The following PC variants were observed in gnomAD, a reference collection of about 807,000 sequenced individuals.
PC encodes the protein pyruvate carboxylase, also known as pyruvate carboxylase, mitochondrial.
Under a neutral mutation model 107.8 loss-of-function variants are expected in PC, and 46 were observed. The observed-to-expected ratio is 0.43, with a 90% CI of 0.34 to 0.55. The LOEUF is 0.55. PC is among the 20% of genes least tolerant of loss of function. PC has a pLI of 0.04. For missense variants in PC, 1,241 were observed against 1,643.1 expected, an observed-to-expected ratio of 0.76 and a Z score of 4.23; for synonymous variants, 662 against 684.7, an observed-to-expected ratio of 0.97 and a Z score of 0.52.
chr11:66,897,778 G>A lies in PC; in HGVS notation c.1-25619C>T, dbSNP rs375457434. 9.9e-5 allele frequency among the ~76,000 whole-genome samples: 15 copies of A among 152,186 alleles called. 1 individual carries two copies. Among genetic ancestry groups the A allele is most frequent in the African/African-American group, 3.4e-4 (14 of 41,520 alleles). On this transcript the variant is annotated intron_variant, in intron 3 of 22. Coordinates refer to ENST00000393960, the MANE Select transcript of PC (RefSeq NM_001040716.2). ...TCATGTATCCAGCCTTGAGCTCTAC[G>A]GGGGCAGACATAACTAACTCATCTT...
intron 12 of PC, among the ~76,000 whole-genome samples, chr11:66,862,005 G>A (rs1274347673): frequency 2.0e-5 from 3 of 152,112 alleles, no homozygotes; most frequent in South Asian, 2.1e-4. Context: ...CAGAGGAACC[G>A]GGCACAACCC....
intron 3 of PC, among the ~76,000 whole-genome samples, chr11:66,923,768 C>T (rs1948648143): frequency 6.6e-6 from 1 of 151,686 alleles, no homozygotes; most frequent in Non-Finnish European, 1.5e-5. Context: ...GATCTGCCCA[C>T]CTTGGCCTCC....
chr11:66,875,465 G>A (rs754403050), intron 3 of PC, among the ~76,000 whole-genome samples: 4 of 152,146 alleles, frequency 2.6e-5, no homozygotes, highest in Admixed American at 6.5e-5. Context: ...CACAGGGGCG[G>A]TGGTGTCTGA....
chr11:66,946,857 T>C (rs1431818993), intron 3 of PC, among the ~76,000 whole-genome samples: 1 of 152,170 alleles, frequency 6.6e-6, no homozygotes, highest in Non-Finnish European at 1.5e-5. Context: ...TTACTAAGTT[T>C]AAAATCAGTA....
rs2135879295 is a variant in PC, at chr11:66,860,016, C to T, written c.1368+3758G>A. On this transcript the variant is annotated intron_variant, in intron 12 of 22. Coordinates refer to ENST00000393960, the MANE Select transcript of PC (RefSeq NM_001040716.2). ...CAAGGCCCACCCGCCGCGGAGCCCC[C>T]CGCCCCGGCCGCAGCGCAGCTGCTC... The T allele has an allele frequency of 6.3e-7, 1 of 1,587,698 alleles. No homozygotes were observed. Among genetic ancestry groups the T allele is most frequent in the Non-Finnish European group, 8.6e-7 (1 of 1,167,786 alleles).
At chr11:66,903,619 G>C (rs1948036356) in intron 3 of PC, among the ~76,000 whole-genome samples, 2 of 149,352 alleles carry the variant, frequency 1.3e-5, no homozygotes, top group African/African-American at 4.9e-5. Context: ...GTGGTGGCAG[G>C]CACCTGTAAT....
chr11:66,869,024 G>T, intron 9 of PC, 60 bp from the exon 10 acceptor site: 1 of 1,278,104 alleles, frequency 7.8e-7, no homozygotes, highest in Non-Finnish European at 1.1e-6. Flanking sequence ...AAACTCACTG[G>T]ACTCAGGACA....
intron 3 of PC, among the ~76,000 whole-genome samples, chr11:66,915,906 G>A (rs1010810305): frequency 6.6e-6 from 1 of 152,044 alleles, no homozygotes; most frequent in African/African-American, 2.4e-5. Context: ...TGCCTCTTTC[G>A]GCACTTTGAG....
intron 3 of PC, among the ~76,000 whole-genome samples, chr11:66,914,260 C>T (rs1455599164): frequency 6.6e-6 from 1 of 152,126 alleles, no homozygotes; most frequent in East Asian, 1.9e-4. Flanking sequence ...GCCTGTAATC[C>T]CAGCACTTTG....
rs1364077826 is a variant in PC at position 66,944,275 on chromosome 11, C to T, written c.-1+8155G>A. The stretch of plus-strand genomic sequence containing the variant: ...CAGCCTGGGTGACAGAGCAAGACTC[C>T]GTCTCAGAAAAAACAACTTCAGGCC... On this transcript the variant is annotated intron_variant, in intron 3 of 22. Coordinates refer to ENST00000393960, the MANE Select transcript of PC (RefSeq NM_001040716.2). Among the ~76,000 whole-genome samples, 21 of 102,070 alleles carry T rather than the reference C, an allele frequency of 2.1e-4. 4 individuals carry two copies. The highest frequency in any genetic ancestry group is 3.8e-4 in the Non-Finnish European group (18 of 47,606). The allele number at this position is 102,070 out of a possible 152,430, so 67.0% of individuals were successfully genotyped here.
At chr11:66,947,493 G>A (rs896465756) in intron 3 of PC, among the ~76,000 whole-genome samples, 2 of 150,298 alleles carry the variant, frequency 1.3e-5, no homozygotes, top group Non-Finnish European at 3.0e-5. Context: ...AGGTTGAGGC[G>A]GAGCTTGCAG....
intron 3 of PC, among the ~76,000 whole-genome samples, chr11:66,878,773 G>C (rs886909184): frequency 6.6e-6 from 1 of 152,228 alleles, no homozygotes; most frequent in East Asian, 1.9e-4. Context: ...CAGCATGCCA[G>C]GCAGATGTTT....
At chr11:66,938,486 T>G (rs946565142) in intron 3 of PC, among the ~76,000 whole-genome samples, 11 of 152,184 alleles carry the variant, frequency 7.2e-5, no homozygotes, top group Non-Finnish European at 1.5e-4. Context: ...GATATTTAAG[T>G]ACCTAGTACT....
chr11:66,870,458 G>T lies in PC; in HGVS notation c.752-5C>A. The T allele has an allele frequency of 6.2e-7, 1 of 1,613,006 alleles. No homozygotes were observed. Among genetic ancestry groups the T allele is most frequent in the South Asian group, 1.1e-5 (1 of 91,086 alleles). Reference sequence around the variant, plus strand: ...GGATGTTCCCATACTGGTCCCCTGGGGAGGGAGGTAAACTGGGCTTAGCTT... The same window carrying T: ...GGATGTTCCCATACTGGTCCCCTGGTGAGGGAGGTAAACTGGGCTTAGCTT... On this transcript the variant is annotated splice_polypyrimidine_tract_variant and splice_region_variant and intron_variant, in intron 8 of 22. Transcript: ENST00000393960. The surrounding 1 kb of genome is among the most constrained non-coding windows in gnomAD (Gnocchi z 6.1).
chr11:66,858,785 G>A lies in PC; in HGVS notation c.1368+4989C>T, dbSNP rs1393541704. 1.3e-6 allele frequency: 2 copies of A among 1,550,224 alleles called. No individual in the cohort carries two copies. The highest frequency in any genetic ancestry group is 2.4e-5 in the East Asian group (1 of 41,080). ...GGGTGACCGGCGCTGGGGACGCTGGGGGCTACACCTGCATCGCCACCAACC... is the reference window on the plus strand; with the variant it reads ...GGGTGACCGGCGCTGGGGACGCTGGAGGCTACACCTGCATCGCCACCAACC... On this transcript the variant is annotated intron_variant, in intron 12 of 22. Transcript: ENST00000393960. This position sits in a 1 kb window ranked among gnomAD's most constrained non-coding sequence, Gnocchi z 5.9.
chr11:66,850,616 G>T, intron 18 of PC, 58 bp downstream of exon 18: 1 of 1,601,844 alleles, frequency 6.2e-7, no homozygotes, highest in Non-Finnish European at 8.5e-7. Context: ...ACACTACTGG[G>T]ACTGGTGGTG....
chr11:66,900,124 A>G (rs1229206568), intron 3 of PC, among the ~76,000 whole-genome samples: 1 of 150,950 alleles, frequency 6.6e-6, no homozygotes, highest in Non-Finnish European at 1.5e-5. Context: ...TCCTTACACC[A>G]GTACCACACT....
intron 9 of PC, among the ~76,000 whole-genome samples, chr11:66,869,924 G>A (rs868547734): frequency 3.9e-5 from 6 of 152,220 alleles, no homozygotes; most frequent in Non-Finnish European, 8.8e-5. Flanking sequence ...ACATGAGGGA[G>A]GACTGCCTTC....
At chr11:66,947,210 G>A (rs985034207) in intron 3 of PC, among the ~76,000 whole-genome samples, 2 of 152,100 alleles carry the variant, frequency 1.3e-5, no homozygotes, top group Non-Finnish European at 2.9e-5. Context: ...AGCTTTATTT[G>A]TAGATGCCAA....
Sources: gnomAD v4.1 joint callset for allele counts (sites outside exome capture counted in the v4.1 genomes callset) on GRCh38, gnomAD v4.1.1 for gene constraint, Gnocchi (gnomAD v3.1) non-coding constraint, MANE v1.5 for transcripts, NCBI Gene and HGNC (gene_info 2026-07-23, HGNC 2026-07-21) for gene names.